The following PRDM16 variants were observed in gnomAD, a reference collection of about 807,000 sequenced individuals.
PRDM16 encodes the protein PR/SET domain 16.
Under a neutral mutation model 110.6 loss-of-function variants are expected in PRDM16, and 23 were observed. That is an observed-to-expected ratio of 0.21 (90% CI 0.15 to 0.29). PRDM16 has a LOEUF of 0.29. Among genes scored for constraint, PRDM16 ranks in the 10% least tolerant of loss-of-function variants. The pLI, the probability that PRDM16 is intolerant of heterozygous loss-of-function variation, is 1.00. For missense variants in PRDM16, 1,615 were observed against 1,794.3 expected, an observed-to-expected ratio of 0.90 and a Z score of 1.81; for synonymous variants, 799 against 781.8, an observed-to-expected ratio of 1.02 and a Z score of -0.37.
intron 3 of PRDM16, among the ~76,000 whole-genome samples, chr1:3,291,478 C>T (rs2500297): frequency 0.21 from 31,359 of 152,134 alleles, 6,743 homozygotes; most frequent in African/African-American, 0.54. Context: ...AAACACCATC[C>T]GCTGTCATCA....
At chr1:3,180,985 GTCTTACACACGA>G (rs1328197224) in intron 1 of PRDM16, among the ~76,000 whole-genome samples, 8 of 137,590 alleles carry the variant, frequency 5.8e-5, no homozygotes, top group African/African-American at 8.0e-5. Context: ...TACACACGCA[GTCTTACACACGA>G]TCTTACACGC....
At chr1:3,389,560 G>A (rs1643258442) in intron 4 of PRDM16, among the ~76,000 whole-genome samples, 1 of 152,220 alleles carries the variant, frequency 6.6e-6, no homozygotes, top group African/African-American at 2.4e-5. Flanking sequence ...TCATGGGAGA[G>A]CCGAGCAGAG....
Position 3,181,097 on chromosome 1 carries a change from CGCA to C in PRDM16, c.38-5026_38-5024del, listed in dbSNP as rs1644157128. 9.6e-4 allele frequency among the ~76,000 whole-genome samples: 22 copies of C among 22,846 alleles called. No individual in the cohort carries two copies. The East Asian group carries it at 0.018, about 19-fold the overall frequency. 15.0% of individuals were successfully genotyped at this position (22,846 alleles called of 152,430 possible). ...CCGGTCTTACACACGGCCTTACACA[CGCA>C]GTCTTACACGCGGCCTTACACACGC... On this transcript the variant is annotated intron_variant, in intron 1 of 16. Transcript: ENST00000270722.
At chr1:3,114,259 CGCACACGT>C (rs1642880237) in intron 1 of PRDM16, among the ~76,000 whole-genome samples, 2 of 144,300 alleles carry the variant, frequency 1.4e-5, no homozygotes, top group African/African-American at 2.6e-5. Flanking sequence ...CACACGCACG[CGCACACGT>C]ACACACACGC....
rs1640032382 is a variant in PRDM16 at position 3,255,856 on chromosome 1, AC to A, written c.438+11722del. Among the ~76,000 whole-genome samples the A allele has an allele frequency of 6.8e-5, 10 of 147,574 alleles. No homozygotes were observed. The highest frequency in any genetic ancestry group is 2.3e-4 in the African/African-American group (9 of 39,920). ...AAGCCAATCCCGTGGCCGCACCGAC[AC>A]CCGAAGCCAACCCCGTGGCCGCACT... On this transcript the variant is annotated intron_variant, in intron 3 of 16. Transcript: ENST00000270722. The surrounding 1 kb of genome is among the most constrained non-coding windows in gnomAD (Gnocchi z 4.7).
In PRDM16 at chr1:3,425,818, G is replaced by A. The variant is rs1638587903; in HGVS notation, c.3109+68G>A. On this transcript the variant is annotated intron_variant, in intron 13 of 16. Coordinates refer to ENST00000270722, the MANE Select transcript of PRDM16 (RefSeq NM_022114.4). This position sits in a 1 kb window ranked among gnomAD's most constrained non-coding sequence, Gnocchi z 6.9. Reference sequence around the variant, plus strand: ...GGCAGGCCCCACAGAGGGGGAGGGGGAACAGCAGGGGAGTGGGCGCCGGGC... The same window carrying A: ...GGCAGGCCCCACAGAGGGGGAGGGGAAACAGCAGGGGAGTGGGCGCCGGGC... 2 of 1,581,834 alleles carry A rather than the reference G, an allele frequency of 1.3e-6. No homozygotes were observed. The highest frequency in any genetic ancestry group is 1.7e-5 in the Admixed American group (1 of 58,956).
Position 3,431,080 on chromosome 1 carries a change from C to G in PRDM16, c.3493C>G (p.Leu1165Val). 1 of 1,552,172 alleles carries G rather than the reference C, an allele frequency of 6.4e-7. No homozygotes were observed. Among genetic ancestry groups the G allele is most frequent in the Non-Finnish European group, 8.7e-7 (1 of 1,148,178 alleles). The change falls in exon 15 of 17, where the codon CTG becomes GTG. Residue 1165 changes from leucine to valine, a missense_variant. This residue lies in a region of PRDM16 where 327 missense variants were observed against 359.3 expected (regional missense o/e 0.91). Transcript: ENST00000270722. ...DEEDEEPAAS[L>V]AVGFDHTRRC... ...GGAGGATGAGGAGCCAGCCGCCTCC[C>G]TGGCCGTGGGCTTTGACCACACCCG... is the stretch of plus-strand genomic sequence containing the variant.
intron 1 of PRDM16, among the ~76,000 whole-genome samples, chr1:3,108,330 AG>A (rs1478349034): frequency 2.6e-5 from 4 of 152,204 alleles, no homozygotes; most frequent in Non-Finnish European, 5.9e-5. Flanking sequence ...GTATGGTGTG[AG>A]GTAGGGATCT....
intron 1 of PRDM16, among the ~76,000 whole-genome samples, chr1:3,150,777 G>A (rs976232450): frequency 6.7e-5 from 10 of 148,270 alleles, no homozygotes; most frequent in Non-Finnish European, 1.0e-4. Context: ...CGTTGGGGAC[G>A]TTTGAGCTTC....
At chr1:3,428,084 G>A (rs1011496628) in intron 14 of PRDM16, among the ~76,000 whole-genome samples, 4 of 152,224 alleles carry the variant, frequency 2.6e-5, no homozygotes, top group South Asian at 2.1e-4. Flanking sequence ...CCTTGCCGGG[G>A]TGGGCCCAGG....
At chr1:3,276,000 C>T (rs1004520102) in intron 3 of PRDM16, among the ~76,000 whole-genome samples, 29 of 152,246 alleles carry the variant, frequency 1.9e-4, no homozygotes, top group African/African-American at 5.8e-4. Flanking sequence ...GCGGCCTCCC[C>T]GGTCTCTCTC....
intron 3 of PRDM16, among the ~76,000 whole-genome samples, chr1:3,266,965 A>T (rs1227863443): frequency 6.6e-6 from 1 of 152,210 alleles, no homozygotes; most frequent in Non-Finnish European, 1.5e-5. Flanking sequence ...GGTGTGAGCC[A>T]CCGCGCCCGG....
chr1:3,335,023 C>T lies in PRDM16; in HGVS notation c.439-50129C>T, dbSNP rs115167431. Among the ~76,000 whole-genome samples the T allele has an allele frequency of 7.3e-3, 1,109 of 152,340 alleles. 16 individuals carry two copies. Among genetic ancestry groups the T allele is most frequent in the African/African-American group, 0.025 (1,031 of 41,574 alleles). ...GAGCCAGAGTCCCCAGCGCCAGCCCCGCCATGTCAAGGGCACAGCCAGAGA... is the reference window on the plus strand; with the variant it reads ...GAGCCAGAGTCCCCAGCGCCAGCCCTGCCATGTCAAGGGCACAGCCAGAGA... On this transcript the variant is annotated intron_variant, in intron 3 of 16. Coordinates refer to ENST00000270722, the MANE Select transcript of PRDM16 (RefSeq NM_022114.4).
intron 2 of PRDM16, among the ~76,000 whole-genome samples, chr1:3,203,587 G>T (rs1038336820): frequency 3.9e-5 from 6 of 152,216 alleles, no homozygotes; most frequent in Non-Finnish European, 8.8e-5. Context: ...CTCCCCGGGG[G>T]GGCCAGGGTG....
Position 3,165,495 on chromosome 1 carries a change from T to C in PRDM16, c.38-20630T>C, listed in dbSNP as rs201816237. On this transcript the variant is annotated intron_variant, in intron 1 of 16. Coordinates refer to ENST00000270722, the MANE Select transcript of PRDM16 (RefSeq NM_022114.4). ...CTCAGGGACAGTGACTCACCTGGGC[T>C]CAGGGACAGGGACTCACCTGGGCTC... 2.1e-4 allele frequency among the ~76,000 whole-genome samples: 18 copies of C among 87,456 alleles called. 2 individuals are homozygous for C. Among genetic ancestry groups the C allele is most frequent in the African/African-American group, 3.9e-4 (7 of 18,038 alleles). 57.4% of individuals were successfully genotyped at this position (87,456 alleles called of 152,430 possible). A position where few individuals can be genotyped will look rare whatever the true frequency, so the allele number is the denominator to read the frequency against.
intron 3 of PRDM16, among the ~76,000 whole-genome samples, chr1:3,348,444 ATCCG>A (rs2100528814): frequency 6.6e-6 from 1 of 152,192 alleles, no homozygotes; most frequent in South Asian, 2.1e-4. Context: ...CATCCCCAAA[ATCCG>A]CGGGCCAAGG....
At chr1:3,312,714 G>A (rs1641493295) in intron 3 of PRDM16, among the ~76,000 whole-genome samples, 1 of 152,246 alleles carries the variant, frequency 6.6e-6, no homozygotes, top group Admixed American at 6.5e-5. Flanking sequence ...ATACTCCGCC[G>A]CTTTTCAGGC....
rs575111955 is a variant in PRDM16 at position 3,265,607 on chromosome 1, C to T, written c.438+21470C>T. 5.3e-5 allele frequency among the ~76,000 whole-genome samples: 8 copies of T among 152,092 alleles called. No individual in the cohort carries two copies. In the East Asian group the frequency reaches 1.2e-3, roughly 22 times the overall value. ...CCTGGTGGGAGAGGGAGAAGCAGAC[C>T]GCAGAGGCCCCTCTTGGGTCTGGGA... On this transcript the variant is annotated intron_variant, in intron 3 of 16. Transcript: ENST00000270722. The surrounding 1 kb of genome is among the most constrained non-coding windows in gnomAD (Gnocchi z 4.5).
intron 3 of PRDM16, among the ~76,000 whole-genome samples, chr1:3,338,728 C>T (rs112299752): frequency 3.9e-5 from 6 of 152,346 alleles, no homozygotes; most frequent in African/African-American, 1.4e-4. Flanking sequence ...ACCATGCCCT[C>T]CTGGAGCCCC....
Sources: gnomAD v4.1 joint callset for allele counts (sites outside exome capture counted in the v4.1 genomes callset) on GRCh38, gnomAD v4.1.1 for gene constraint, gnomAD v4.1.1 regional missense constraint, Gnocchi (gnomAD v3.1) non-coding constraint, MANE v1.5 for transcripts, NCBI Gene and HGNC (gene_info 2026-07-23, HGNC 2026-07-21) for gene names.